IFT80: variants seen among roughly 807,000 people sequenced by gnomAD.
The protein encoded by IFT80 is intraflagellar transport 80.
A neutral mutation model predicts 107.9 loss-of-function variants in IFT80; 79 were observed. The observed-to-expected ratio is 0.73, with a 90% CI of 0.61 to 0.88. IFT80 has a LOEUF of 0.88. Among genes scored for constraint, IFT80 ranks in the 40% least tolerant of loss-of-function variants. IFT80 has a pLI of 0.00. For missense variants in IFT80, 797 were observed against 914.2 expected (o/e 0.87, Z 1.65); for synonymous variants, 299 against 300.9 (o/e 0.99, Z 0.07).
intron 12 of IFT80, among the ~76,000 whole-genome samples, chr3:160,291,316 A>G (rs1267165065): frequency 6.6e-6 from 1 of 152,250 alleles, no homozygotes; most frequent in African/African-American, 2.4e-5. Flanking sequence ...TACTGGAGAC[A>G]CATTCTACTA....
At position 160,331,673 on chromosome 3, in the gene IFT80, T is replaced by TC. The variant is rs565836108; in HGVS notation, c.778-11735_778-11734insG. ...CACATCTTTTTACCCTTGTAATTTT[T>TC]TTTTTAAGACAATGTCTTGGTCTGT... On this transcript the variant is annotated intron_variant, in intron 8 of 19. Coordinates refer to ENST00000326448, the MANE Select transcript of IFT80 (RefSeq NM_020800.3). 1.8e-4 allele frequency among the ~76,000 whole-genome samples: 27 copies of TC among 151,998 alleles called. No homozygotes were observed. The East Asian group carries it at 5.2e-3, about 29-fold the overall frequency.
At chr3:160,270,128 G>A (rs988971095) in intron 18 of IFT80, among the ~76,000 whole-genome samples, 1 of 152,176 alleles carries the variant, frequency 6.6e-6, no homozygotes, top group African/African-American at 2.4e-5. Flanking sequence ...AGCCTCCCAA[G>A]TAGCTGGGAA....
intron 11 of IFT80, among the ~76,000 whole-genome samples, chr3:160,303,188 T>G (rs1039268015): frequency 7.9e-5 from 12 of 152,222 alleles, no homozygotes; most frequent in Admixed American, 6.5e-5. Context: ...ATATTTTAGG[T>G]AACTGTCAAT....
intron 14 of IFT80, 105 bp from the exon 15 acceptor site, chr3:160,280,919 GAT>G: frequency 2.1e-6 from 2 of 945,834 alleles, no homozygotes; most frequent in Admixed American, 4.1e-5. Flanking sequence ...ATTTCTGGTA[GAT>G]ATGACTCTAC....
intron 8 of IFT80, among the ~76,000 whole-genome samples, chr3:160,350,137 G>A (rs949063853): frequency 2.0e-5 from 3 of 152,010 alleles, no homozygotes; most frequent in Non-Finnish European, 2.9e-5. Flanking sequence ...TGCAGAGGCC[G>A]GGCATGGTGG....
intron 8 of IFT80, among the ~76,000 whole-genome samples, chr3:160,349,918 G>C (rs1001654167): frequency 7.9e-5 from 12 of 152,034 alleles, no homozygotes; most frequent in African/African-American, 2.9e-4. Flanking sequence ...CTCAATAAGC[G>C]ATGCCCTTCT....
At chr3:160,263,471 A>G (rs1474406024) in intron 19 of IFT80, among the ~76,000 whole-genome samples, 6 of 152,108 alleles carry the variant, frequency 3.9e-5, no homozygotes, top group Admixed American at 6.5e-5. Context: ...AGACCTTTCA[A>G]TGACTTTTCC....
chr3:160,300,764 A>C, intron 12 of IFT80, 119 bp downstream of exon 12: 4 of 768,048 alleles, frequency 5.2e-6, no homozygotes, highest in Non-Finnish European at 2.0e-6. Context: ...GAAAGCTCAT[A>C]ATTCTTTTTC....
rs774479207 is a variant in IFT80 at position 160,319,745 on chromosome 3, G to A, written c.957+15C>T. 4 of 1,607,278 alleles carry A rather than the reference G, an allele frequency of 2.5e-6. No homozygotes were observed. Among genetic ancestry groups the A allele is most frequent in the Non-Finnish European group, 3.4e-6 (4 of 1,174,292 alleles). On this transcript the variant is annotated intron_variant, in intron 9 of 19. Transcript: ENST00000326448. ...AAAAGAAGCAGGTTTAATCAACCTT[G>A]GAACATAATAATACCTGCATGGCTC...
intron 9 of IFT80, among the ~76,000 whole-genome samples, chr3:160,316,232 C>G (rs1717806779): frequency 6.6e-6 from 1 of 152,116 alleles, no homozygotes; most frequent in South Asian, 2.1e-4. Context: ...CTGAAGGAGA[C>G]CTCCAGTAAA....
rs797002221 is a variant in IFT80 at position 160,364,225 on chromosome 3, T to A, written c.549+1818A>T. ...ACAGACGCTTCTCAAAAGAAGACAT[T>A]TATGCAGCCAACAGATACATGAAAA... On this transcript the variant is annotated intron_variant, in intron 6 of 19. Transcript: ENST00000326448. 1.8e-4 allele frequency among the ~76,000 whole-genome samples: 27 copies of A among 152,272 alleles called. No individual in the cohort carries two copies. The East Asian group carries it at 5.2e-3, about 29-fold the overall frequency.
chr3:160,354,781 C>T (rs1260481631), intron 8 of IFT80, among the ~76,000 whole-genome samples: 3 of 152,132 alleles, frequency 2.0e-5, no homozygotes, highest in Non-Finnish European at 2.9e-5. Context: ...AGGAAAGGTT[C>T]AAAAGCCAGT....
At chr3:160,298,829 G>T (rs1287882627) in intron 12 of IFT80, among the ~76,000 whole-genome samples, 1 of 152,074 alleles carries the variant, frequency 6.6e-6, no homozygotes, top group African/African-American at 2.4e-5. Flanking sequence ...GAATATAATG[G>T]ACAACTGTAA....
In IFT80 at chr3:160,294,706, T is replaced by C. The variant is rs552188287; in HGVS notation, c.1315+6177A>G. On this transcript the variant is annotated intron_variant, in intron 12 of 19. Transcript: ENST00000326448. The stretch of plus-strand genomic sequence containing the variant: ...AAAGTTCCAGAATACCAGAGAACTA[T>C]GGAGAAGTCTTGAAGAACCTATATT... Among the ~76,000 whole-genome samples the C allele has an allele frequency of 1.2e-4, 18 of 152,362 alleles. No individual in the cohort carries two copies. In the South Asian group the frequency reaches 3.5e-3, roughly 30 times the overall value.
intron 12 of IFT80, among the ~76,000 whole-genome samples, chr3:160,290,413 G>GAAAAAAA (rs555146009): frequency 2.0e-5 from 1 of 49,398 alleles, no homozygotes; most frequent in Admixed American, 2.3e-4. Flanking sequence ...CTCAAAAACA[G>GAAAAAAA]AAAAAAAAAA....
chr3:160,322,944 T>C (rs1309507258), intron 8 of IFT80, among the ~76,000 whole-genome samples: 1 of 151,822 alleles, frequency 6.6e-6, no homozygotes, highest in Non-Finnish European at 1.5e-5. Context: ...TAGCCCTTTG[T>C]CAGATGAGTA....
intron 1 of IFT80, among the ~76,000 whole-genome samples, chr3:160,385,091 C>T (rs1712821344): frequency 1.3e-5 from 2 of 152,178 alleles, no homozygotes; most frequent in Non-Finnish European, 2.9e-5. Flanking sequence ...GTGGCCCAAT[C>T]TGGGGTTGAC....
intron 18 of IFT80, among the ~76,000 whole-genome samples, chr3:160,274,838 T>G (rs1714118944): frequency 6.6e-6 from 1 of 152,112 alleles, no homozygotes; most frequent in Non-Finnish European, 1.5e-5. Flanking sequence ...GATAATCACT[T>G]AAACCCAGGA....
At chr3:160,329,975 AAGT>A (rs1470702159) in intron 8 of IFT80, among the ~76,000 whole-genome samples, 9 of 152,246 alleles carry the variant, frequency 5.9e-5, no homozygotes, top group Non-Finnish European at 1.2e-4. Context: ...ATGTTACTCA[AAGT>A]GTGCAAGCCA....
Sources: allele counts gnomAD v4.1 joint callset (sites outside exome capture counted in the v4.1 genomes callset), GRCh38; gene constraint gnomAD v4.1.1; transcripts MANE v1.5; gene names NCBI Gene and HGNC (gene_info 2026-07-23, HGNC 2026-07-21).